Variants in CLDN11 observed in about 807,000 individuals in gnomAD.
CLDN11 encodes claudin-11.
CLDN11 carries 1 observed loss-of-function variant against 18.0 expected under a neutral mutation model. The observed-to-expected ratio is 0.06, with a 90% CI of 0.02 to 0.26. The LOEUF (loss-of-function observed/expected upper bound fraction) is 0.26. CLDN11 is among the 10% of genes least tolerant of loss of function. CLDN11 has a pLI of 1.00. For synonymous variants in CLDN11, 116 were observed against 121.5 expected, an observed-to-expected ratio of 0.96 and a Z score of 0.30; for missense variants, 172 against 276.6, an observed-to-expected ratio of 0.62 and a Z score of 2.68.
chr3:170,418,887 T>G lies in CLDN11; in HGVS notation c.-180T>G. 1.8e-6 allele frequency: 1 copy of G among 545,100 alleles called. No individual in the cohort carries two copies. 33.8% of individuals were successfully genotyped at this position (545,100 alleles called of 1,614,324 possible). On this transcript the variant is annotated 5_prime_UTR_variant, in exon 1 of 3. Coordinates refer to ENST00000064724, the MANE Select transcript of CLDN11 (RefSeq NM_005602.6). The surrounding 1 kb of genome is among the most constrained non-coding windows in gnomAD (Gnocchi z 4.3). ...CCCAGCAGCGCTGCTGTCCCCGCCGTGCGCCCTTCGCCGCTGAGCTCGCAG... is the reference window on the plus strand; with the variant it reads ...CCCAGCAGCGCTGCTGTCCCCGCCGGGCGCCCTTCGCCGCTGAGCTCGCAG...
At chr3:170,430,086 C>T (rs1345696569) in intron 2 of CLDN11, among the ~76,000 whole-genome samples, 1 of 152,120 alleles carries the variant, frequency 6.6e-6, no homozygotes, top group Non-Finnish European at 1.5e-5. Context: ...GTTTTTTGCC[C>T]ACAGCAGAAC....
intron 2 of CLDN11, among the ~76,000 whole-genome samples, chr3:170,428,210 T>G (rs1001934614): frequency 6.6e-6 from 1 of 152,126 alleles, no homozygotes; most frequent in Non-Finnish European, 1.5e-5. Flanking sequence ...TGTCTTTCTC[T>G]GCCTCTTTGT....
At chr3:170,424,513 T>G (rs1212502423) in intron 2 of CLDN11, among the ~76,000 whole-genome samples, 1 of 152,248 alleles carries the variant, frequency 6.6e-6, no homozygotes, top group African/African-American at 2.4e-5. Flanking sequence ...TCTAGCTCTC[T>G]TCTCGTCAGT....
chr3:170,421,555 T>TAG (rs1316356246), intron 1 of CLDN11, among the ~76,000 whole-genome samples: 1 of 152,210 alleles, frequency 6.6e-6, no homozygotes, highest in Non-Finnish European at 1.5e-5. Context: ...GCGTTGAAGT[T>TAG]AGGCCTTTTT....
At chr3:170,425,974 G>C (rs1009262234) in intron 2 of CLDN11, among the ~76,000 whole-genome samples, 3 of 152,334 alleles carry the variant, frequency 2.0e-5, no homozygotes, top group Non-Finnish European at 2.9e-5. Context: ...GGTGGGAGGA[G>C]CATGGGGACT....
intron 2 of CLDN11, among the ~76,000 whole-genome samples, chr3:170,429,306 G>T (rs1560235529): frequency 6.6e-6 from 1 of 152,070 alleles, no homozygotes; most frequent in East Asian, 1.9e-4. Context: ...TCCACCCAGG[G>T]TTCATTTGTC....
At position 170,423,294 on chromosome 3, in the gene CLDN11, G is replaced by T. The variant is rs747792265; in HGVS notation, c.358G>T (p.Ala120Ser). The change falls in exon 2 of 3, where the codon GCC (alanine) becomes TCC (serine). Residue 120 changes from alanine to serine, a missense_variant. Ala to Ser is a moderately conservative substitution (Grantham distance 99, BLOSUM62 1). This residue lies in a region of CLDN11 where 161 missense variants were observed against 240.3 expected (regional missense o/e 0.67). Coordinates refer to ENST00000064724, the MANE Select transcript of CLDN11 (RefSeq NM_005602.6). ...QEPGVAKYRR[A>S]QLAGVLLILL... Reference sequence around the variant, plus strand: ...GCCCGGTGTGGCTAAGTACAGGCGGGCCCAGCTGGCTGGTGTTTTGCTCAT... The same window carrying T: ...GCCCGGTGTGGCTAAGTACAGGCGGTCCCAGCTGGCTGGTGTTTTGCTCAT... 6.2e-7 allele frequency: 1 copy of T among 1,614,140 alleles called. No homozygotes were observed. Among genetic ancestry groups the T allele is most frequent in the South Asian group, 1.1e-5 (1 of 91,066 alleles).
intron 2 of CLDN11, among the ~76,000 whole-genome samples, chr3:170,432,288 C>T (rs6444929): frequency 0.89 from 135,701 of 152,298 alleles, 60,487 homozygotes; most frequent in East Asian, 0.99. Context: ...GGTTTTTACA[C>T]TGGAATTGTT....
chr3:170,432,727 C>A lies in CLDN11; in HGVS notation c.595C>A (p.Pro199Thr), dbSNP rs144303681. The change falls in exon 3 of 3, where the codon CCG (proline) becomes ACG (threonine). Residue 199 changes from proline (P) to threonine (T), a missense_variant. Physicochemically the swap from Pro to Thr is conservative, Grantham distance 38 (BLOSUM62 -1). Transcript: ENST00000064724. ...CTACTACACTGCGGGCTCTAGCTCC[C>A]CGACTCATGCGAAGAGTGCCCACGT... ...RFYYTAGSSS[P>T]THAKSAHV is the part of the protein sequence containing the mutation. 5 of 1,614,070 alleles carry A rather than the reference C, an allele frequency of 3.1e-6. No individual in the cohort carries two copies. Among genetic ancestry groups the A allele is most frequent in the Non-Finnish European group, 3.4e-6 (4 of 1,180,050 alleles).
At chr3:170,431,008 T>C (rs1054800815) in intron 2 of CLDN11, among the ~76,000 whole-genome samples, 1 of 152,192 alleles carries the variant, frequency 6.6e-6, no homozygotes, top group African/African-American at 2.4e-5. Flanking sequence ...TTCCTACATA[T>C]ATCTATACCC....
chr3:170,421,400 C>A, intron 1 of CLDN11: 1 of 421,632 alleles, frequency 2.4e-6, no homozygotes, highest in Non-Finnish European at 3.2e-6. Context: ...GGGCCTCAGA[C>A]TTCCTGGAGC....
Position 170,419,964 on chromosome 3 carries a change from G to T in CLDN11, c.226+672G>T, listed in dbSNP as rs907396031. Among the ~76,000 whole-genome samples the T allele has an allele frequency of 6.6e-6, 1 of 152,258 alleles. No homozygotes were observed. Among genetic ancestry groups the T allele is most frequent in the Non-Finnish European group, 1.5e-5 (1 of 68,046 alleles). ...CCTGCTGTGGGCGCGTCAGACTGCG[G>T]GGCTGCGGTGACGCCGGCTCCCGCT... On this transcript the variant is annotated intron_variant, in intron 1 of 2. Coordinates refer to ENST00000064724, the MANE Select transcript of CLDN11 (RefSeq NM_005602.6). The surrounding 1 kb of genome is among the most constrained non-coding windows in gnomAD (Gnocchi z 8.6).
chr3:170,421,933 A>C (rs910724969), intron 1 of CLDN11, among the ~76,000 whole-genome samples: 3 of 152,258 alleles, frequency 2.0e-5, no homozygotes, highest in African/African-American at 7.2e-5. Flanking sequence ...TTGATTCGCA[A>C]TTGTTTCCAT....
chr3:170,427,563 G>A (rs868327970), intron 2 of CLDN11, among the ~76,000 whole-genome samples: 3 of 152,104 alleles, frequency 2.0e-5, no homozygotes, highest in Non-Finnish European at 4.4e-5. Flanking sequence ...AGAGGTTGTG[G>A]TGAGCCGAGA....
In CLDN11 at chr3:170,434,244, T is replaced by C. The variant is rs1739079289; in HGVS notation, c.*1488T>C. 6.6e-6 allele frequency: 1 copy of C among 152,634 alleles called. No homozygotes were observed. The allele number at this position is 152,634 out of a possible 1,614,324, so 9.5% of individuals were successfully genotyped here. A position where few individuals can be genotyped will look rare whatever the true frequency, so the allele number is the denominator to read the frequency against. The stretch of plus-strand genomic sequence containing the variant: ...ATTGCCTTGAATAATTAAAAAGTTA[T>C]ATTTTATTCACGGTATTGCAGTGGT... On this transcript the variant is annotated 3_prime_UTR_variant, in exon 3 of 3. Coordinates refer to ENST00000064724, the MANE Select transcript of CLDN11 (RefSeq NM_005602.6).
intron 2 of CLDN11, 192 bp downstream of exon 2, chr3:170,423,519 C>G: frequency 1.7e-6 from 1 of 580,410 alleles, no homozygotes; most frequent in South Asian, 2.4e-5. Flanking sequence ...AGTAATGTCT[C>G]TGGGAGTCAC....
chr3:170,428,955 T>C (rs1181523108), intron 2 of CLDN11, among the ~76,000 whole-genome samples: 1 of 152,202 alleles, frequency 6.6e-6, no homozygotes, highest in Non-Finnish European at 1.5e-5. Flanking sequence ...TCCAAACTCA[T>C]CTTTTTGGGT....
intron 1 of CLDN11, among the ~76,000 whole-genome samples, chr3:170,420,778 G>C (rs968967386): frequency 1.3e-5 from 2 of 152,128 alleles, no homozygotes; most frequent in African/African-American, 4.8e-5. Flanking sequence ...GGCTAATGCT[G>C]GTGTTGGCAG....
intron 2 of CLDN11, among the ~76,000 whole-genome samples, chr3:170,426,037 C>T (rs1352715342): frequency 6.6e-6 from 1 of 152,094 alleles, no homozygotes; most frequent in Non-Finnish European, 1.5e-5. Context: ...CCCAGAGAAG[C>T]CAGCGCTAGG....
Sources: gnomAD v4.1 joint callset for allele counts (sites outside exome capture counted in the v4.1 genomes callset) on GRCh38, gnomAD v4.1.1 for gene constraint, gnomAD v4.1.1 regional missense constraint, Gnocchi (gnomAD v3.1) non-coding constraint, MANE v1.5 for transcripts, NCBI Gene and HGNC (gene_info 2026-07-23, HGNC 2026-07-21) for gene names.